UGT2B4: variants seen among roughly 807,000 people sequenced by gnomAD.
UGT2B4 encodes the protein UDP glucuronosyltransferase family 2 member B4.
In UGT2B4, 49 loss-of-function variants were observed where a neutral mutation model predicts 49.8. The ratio of observed to expected loss-of-function variants is 0.98; its 90% CI spans 0.78 to 1.25. UGT2B4 has a LOEUF of 1.25. Ranked by LOEUF, UGT2B4 falls within the 50% of genes most tolerant of loss-of-function variation. The pLI is 0.00. For synonymous variants in UGT2B4, 246 were observed against 217.7 expected (o/e 1.13, Z -1.14); for missense variants, 729 against 627.7 (o/e 1.16, Z -1.73).
chr4:69,505,138 A>G (rs1457051189), intron 1 of UGT2B4, among the ~76,000 whole-genome samples: 1 of 152,224 alleles, frequency 6.6e-6, no homozygotes, highest in Non-Finnish European at 1.5e-5. Context: ...TACACATGCT[A>G]GTGACACTAT....
In UGT2B4 at chr4:69,480,275, G is replaced by A. The variant is rs1327975870; in HGVS notation, c.*359C>T. ...TTGCAAAACAGTACTGATACTGTCA[G>A]TGGACTTCTTAATGTTCTTGTTTCC... is the stretch of plus-strand genomic sequence containing the variant. On this transcript the variant is annotated 3_prime_UTR_variant, in exon 6 of 6. Coordinates refer to ENST00000305107, the MANE Select transcript of UGT2B4 (RefSeq NM_021139.3). 1 of 210,424 alleles carries A rather than the reference G, an allele frequency of 4.8e-6. No homozygotes were observed. The highest frequency in any genetic ancestry group is 5.3e-5 in the Admixed American group (1 of 19,020). The allele number at this position is 210,424 out of a possible 1,614,324, so 13.0% of individuals were successfully genotyped here.
rs1314815090 is a variant in UGT2B4, at chr4:69,489,514, C to T, written c.927G>A (p.Leu309=). ...SGENGVVVFS[L]GSMVSNTSEE... Reference sequence around the variant, plus strand: ...CTGACGTGTTACTGACCATCGACCCCAGAGAAAACACCACAACACCATTTT... The same window carrying T: ...CTGACGTGTTACTGACCATCGACCCTAGAGAAAACACCACAACACCATTTT... The change falls in exon 3 of 6, where the codon CTG becomes CTA. Residue 309 remains leucine (L), a synonymous_variant. Transcript: ENST00000305107. 1 of 1,611,868 alleles carries T rather than the reference C, an allele frequency of 6.2e-7. No homozygotes were observed. The highest frequency in any genetic ancestry group is 1.7e-5 in the Admixed American group (1 of 59,876).
At chr4:69,493,669 A>C (rs749340704) in intron 2 of UGT2B4, 24 bp downstream of exon 2, 2 of 1,590,824 alleles carry the variant, frequency 1.3e-6, no homozygotes, top group Non-Finnish European at 1.7e-6. Context: ...TTCAAAGCAG[A>C]CAAAACAAAC....
chr4:69,500,076 TG>T (rs774439975), upstream of UGT2B4, among the ~76,000 whole-genome samples: 18 of 152,278 alleles, frequency 1.2e-4, no homozygotes, highest in Admixed American at 3.3e-4. Context: ...TAAACAAGAA[TG>T]AGATCATGTC....
chr4:69,495,133 T>TAAGTTC lies in UGT2B4; in HGVS notation c.721+7_721+8insGAACTT. ...ATCTTCATGTTACCAATCAAAAAAGTTACTTACCTAGAACTTCACTGTAGA... is the reference window on the plus strand; with the variant it reads ...ATCTTCATGTTACCAATCAAAAAAGTAAGTTCTACTTACCTAGAACTTCACTGTAGA... On this transcript the variant is annotated splice_region_variant and intron_variant, in intron 1 of 5. Coordinates refer to ENST00000305107, the MANE Select transcript of UGT2B4 (RefSeq NM_021139.3). 6.6e-7 allele frequency: 1 copy of TAAGTTC among 1,510,578 alleles called. No homozygotes were observed. Among genetic ancestry groups the TAAGTTC allele is most frequent in the Non-Finnish European group, 8.8e-7 (1 of 1,133,986 alleles). 93.6% of individuals were successfully genotyped at this position (1,510,578 alleles called of 1,614,324 possible).
At chr4:69,484,597 G>A (rs1727709398) in intron 5 of UGT2B4, among the ~76,000 whole-genome samples, 1 of 152,100 alleles carries the variant, frequency 6.6e-6, no homozygotes, top group Non-Finnish European at 1.5e-5. Flanking sequence ...CTATAGAGAA[G>A]GAAAGCAAAT....
Position 69,495,249 on chromosome 4 carries a change from T to G in UGT2B4, c.613A>C (p.Met205Leu), listed in dbSNP as rs1728115817. 1 of 1,612,538 alleles carries G rather than the reference T, an allele frequency of 6.2e-7. No homozygotes were observed. Among genetic ancestry groups the G allele is most frequent in the Non-Finnish European group, 8.5e-7 (1 of 1,179,590 alleles). ...TTTTTTACCCTCTCTATGAAAGTCA[T>G]TTGGTCACTTAGTTCTGACATAACA... is the stretch of plus-strand genomic sequence containing the variant. ...PVVMSELSDQMTFIERVKNMI... is the reference protein window; with the variant it reads ...PVVMSELSDQLTFIERVKNMI... Residue 205 changes from methionine (M) to leucine (L), a missense_variant, in exon 1 of 6, where the codon ATG becomes CTG. Coordinates refer to ENST00000305107, the MANE Select transcript of UGT2B4 (RefSeq NM_021139.3).
chr4:69,499,640 CT>C (rs1332096752), upstream of UGT2B4, among the ~76,000 whole-genome samples: 1 of 151,864 alleles, frequency 6.6e-6, no homozygotes, highest in Non-Finnish European at 1.5e-5. Context: ...CTTTCTTGAT[CT>C]TTTTGGTTTA....
intron 1 of UGT2B4, among the ~76,000 whole-genome samples, chr4:69,505,048 A>C (rs554970844): frequency 4.6e-4 from 70 of 152,324 alleles, no homozygotes; most frequent in African/African-American, 1.6e-3. Flanking sequence ...CACCTGCCTT[A>C]CAAAAGCTTC....
chr4:69,499,161 A>G (rs1241121254), upstream of UGT2B4, among the ~76,000 whole-genome samples: 1 of 152,064 alleles, frequency 6.6e-6, no homozygotes, highest in Non-Finnish European at 1.5e-5. Flanking sequence ...ATTTCCCTGT[A>G]GTTGTGGGGT....
chr4:69,510,665 A>G (rs1333673164), intron 1 of UGT2B4, among the ~76,000 whole-genome samples: 1 of 151,990 alleles, frequency 6.6e-6, no homozygotes, highest in African/African-American at 2.4e-5. Flanking sequence ...TGATTTTTGT[A>G]TGTTGATTTT....
At chr4:69,500,645 G>GA (rs1377411419), upstream of UGT2B4, among the ~76,000 whole-genome samples, 1 of 140,032 alleles carries the variant, frequency 7.1e-6, no homozygotes, top group Admixed American at 7.5e-5. Flanking sequence ...AAGAAAGAAA[G>GA]AAAGAAAGAA....
At chr4:69,488,972 A>C (rs894670079) in intron 3 of UGT2B4, among the ~76,000 whole-genome samples, 6 of 152,276 alleles carry the variant, frequency 3.9e-5, no homozygotes, top group African/African-American at 1.4e-4. Context: ...AGGCTGGGTA[A>C]CATGGCAACA....
intron 1 of UGT2B4, among the ~76,000 whole-genome samples, chr4:69,503,547 G>A (rs755516184): frequency 1.8e-4 from 28 of 152,126 alleles, no homozygotes; most frequent in Non-Finnish European, 3.4e-4. Context: ...ATGTAGCCTT[G>A]GCAGGCACAG....
intron 5 of UGT2B4, among the ~76,000 whole-genome samples, chr4:69,481,129 C>T (rs1354296630): frequency 2.2e-5 from 3 of 139,136 alleles, no homozygotes; most frequent in Non-Finnish European, 3.1e-5. Flanking sequence ...ATTACCCAGG[C>T]GTGGTGGCAT....
At position 69,484,483 on chromosome 4, in the gene UGT2B4, T is replaced by C. The variant is rs536093295; in HGVS notation, c.1310+725A>G. Reference sequence around the variant, plus strand: ...TTAATACACACAATATAAATAAAGCTAAAAACCATAAAAAAACAACAAAAA... The same window carrying C: ...TTAATACACACAATATAAATAAAGCCAAAAACCATAAAAAAACAACAAAAA... On this transcript the variant is annotated intron_variant, in intron 5 of 5. Transcript: ENST00000305107. 5.9e-5 allele frequency among the ~76,000 whole-genome samples: 9 copies of C among 151,930 alleles called. No individual in the cohort carries two copies. The South Asian group carries it at 1.9e-3, about 31-fold the overall frequency.
At chr4:69,494,117 T>C (rs967088737) in intron 1 of UGT2B4, among the ~76,000 whole-genome samples, 2 of 152,156 alleles carry the variant, frequency 1.3e-5, no homozygotes, top group Admixed American at 6.6e-5. Context: ...AAACAAGCCA[T>C]AGAGAATTAA....
At position 69,485,200 on chromosome 4, in the gene UGT2B4, A is replaced by G; in HGVS notation, c.1310+8T>C. The G allele has an allele frequency of 6.2e-7, 1 of 1,613,890 alleles. No individual in the cohort carries two copies. Among genetic ancestry groups the G allele is most frequent in the Non-Finnish European group, 8.5e-7 (1 of 1,179,834 alleles). ...AAGACCACCGAGTAAAAAAAAAGTT[A>G]TACTCACAAAGGATCATTAATTACT... On this transcript the variant is annotated splice_region_variant and intron_variant, in intron 5 of 5. Transcript: ENST00000305107.
At chr4:69,507,236 G>T (rs963079961) in intron 1 of UGT2B4, among the ~76,000 whole-genome samples, 2 of 152,158 alleles carry the variant, frequency 1.3e-5, no homozygotes, top group Admixed American at 6.5e-5. Flanking sequence ...CATCAGGCGA[G>T]CGAAAGAAAT....
Sources: gnomAD v4.1 joint callset for allele counts (sites outside exome capture counted in the v4.1 genomes callset) on GRCh38, gnomAD v4.1.1 for gene constraint, MANE v1.5 for transcripts, NCBI Gene and HGNC (gene_info 2026-07-23, HGNC 2026-07-21) for gene names.